Variants in NDUFA12 observed in about 807,000 individuals in gnomAD.
NDUFA12 encodes NADH dehydrogenase [ubiquinone] 1 alpha subcomplex subunit 12.
A neutral mutation model predicts 20.3 loss-of-function variants in NDUFA12; 17 were observed. That is an observed-to-expected ratio of 0.84 (90% CI 0.57 to 1.26). The LOEUF is 1.26. Among genes scored for constraint, NDUFA12 ranks in the 50% most tolerant of loss-of-function variants. The pLI, the probability that NDUFA12 is intolerant of heterozygous loss-of-function variation, is 0.00. For missense variants in NDUFA12, 191 were observed against 183.7 expected (o/e 1.04, Z -0.23); for synonymous variants, 72 against 63.6 (o/e 1.13, Z -0.63).
chr12:94,979,921 T>C (rs1407807449), intron 3 of NDUFA12, among the ~76,000 whole-genome samples: 3 of 152,284 alleles, frequency 2.0e-5, no homozygotes, highest in Admixed American at 6.5e-5. Flanking sequence ...TCTCCTTTGC[T>C]AGAATGTTCA....
At chr12:94,982,564 G>C (rs980921729) in intron 3 of NDUFA12, among the ~76,000 whole-genome samples, 1 of 152,048 alleles carries the variant, frequency 6.6e-6, no homozygotes, top group African/African-American at 2.4e-5. Context: ...CACCACGCCC[G>C]GCCCAGAAGC....
At chr12:94,995,558 C>A (rs1448417256) in intron 2 of NDUFA12, among the ~76,000 whole-genome samples, 1 of 152,158 alleles carries the variant, frequency 6.6e-6, no homozygotes, top group African/African-American at 2.4e-5. Context: ...GAGACGGAGT[C>A]TCGCTCTGTC....
chr12:94,985,918 C>G (rs1453458464), intron 3 of NDUFA12, among the ~76,000 whole-genome samples: 1 of 151,874 alleles, frequency 6.6e-6, no homozygotes, highest in East Asian at 2.0e-4. Flanking sequence ...AACCCCGTCT[C>G]TACTAAAAAT....
intron 3 of NDUFA12, among the ~76,000 whole-genome samples, chr12:94,984,386 G>C (rs1238195251): frequency 6.6e-6 from 1 of 152,070 alleles, no homozygotes; most frequent in East Asian, 1.9e-4. Context: ...ACTTTGGGAG[G>C]CCAAGGTGGG....
chr12:94,992,996 C>T (rs1457619452), intron 3 of NDUFA12, among the ~76,000 whole-genome samples: 1 of 152,172 alleles, frequency 6.6e-6, no homozygotes, highest in African/African-American at 2.4e-5. Context: ...CAGAAGAACA[C>T]CACTGACTGC....
intron 3 of NDUFA12, among the ~76,000 whole-genome samples, chr12:94,985,092 G>A (rs1322682036): frequency 6.6e-6 from 1 of 151,848 alleles, no homozygotes; most frequent in Non-Finnish European, 1.5e-5. Context: ...ATAGGCCAAG[G>A]TGGGAGGATT....
chr12:94,973,022 G>A (rs1053905427), intron 3 of NDUFA12, among the ~76,000 whole-genome samples: 3 of 151,950 alleles, frequency 2.0e-5, no homozygotes, highest in Admixed American at 6.6e-5. Flanking sequence ...ACTGCAGCCC[G>A]GGGGTGGGGG....
Position 95,002,726 on chromosome 12 carries a change from A to T in NDUFA12, c.169+13T>A, listed in dbSNP as rs765119714. ...CCAATCCAATTATTCATACTAAAAAATACTGCACTCACCAAAAAATTGCTT... is the reference window on the plus strand; with the variant it reads ...CCAATCCAATTATTCATACTAAAAATTACTGCACTCACCAAAAAATTGCTT... On this transcript the variant is annotated intron_variant, in intron 2 of 3. Transcript: ENST00000327772. 2.5e-6 allele frequency: 4 copies of T among 1,600,634 alleles called. No homozygotes were observed. In the African/African-American group the frequency reaches 5.4e-5, roughly 21 times the overall value.
chr12:94,980,457 C>T (rs1874200082), intron 3 of NDUFA12, among the ~76,000 whole-genome samples: 2 of 152,028 alleles, frequency 1.3e-5, no homozygotes, highest in Non-Finnish European at 2.9e-5. Flanking sequence ...GAACACATCA[C>T]GCCAAATGAA....
chr12:94,980,580 TTC>T (rs1874203896), intron 3 of NDUFA12, among the ~76,000 whole-genome samples: 1 of 51,710 alleles, frequency 1.9e-5, no homozygotes, highest in African/African-American at 1.1e-4. Flanking sequence ...CAAAATTATT[TTC>T]TGTTAAAAAA....
chr12:94,993,402 A>G (rs577758432), intron 3 of NDUFA12, among the ~76,000 whole-genome samples: 6 of 150,470 alleles, frequency 4.0e-5, no homozygotes, highest in African/African-American at 1.5e-4. Context: ...AGGCGGGTGG[A>G]TCACCTGAGG....
At chr12:95,002,463 A>AGT (rs1488627364) in intron 2 of NDUFA12, among the ~76,000 whole-genome samples, 19 of 149,262 alleles carry the variant, frequency 1.3e-4, no homozygotes, top group East Asian at 1.2e-3. Flanking sequence ...AAAAAAAAAA[A>AGT]AGAACAAAAA....
chr12:94,998,950 C>T lies in NDUFA12; in HGVS notation c.169+3789G>A, dbSNP rs539043279. 1.6e-4 allele frequency among the ~76,000 whole-genome samples: 25 copies of T among 152,204 alleles called. No homozygotes were observed. The South Asian group carries it at 3.9e-3, about 24-fold the overall frequency. Reference sequence around the variant, plus strand: ...TTCAATGTAATTTCCATCAAAATACCATCATCATTCTTCACAGAACTAGAA... The same window carrying T: ...TTCAATGTAATTTCCATCAAAATACTATCATCATTCTTCACAGAACTAGAA... On this transcript the variant is annotated intron_variant, in intron 2 of 3. Transcript: ENST00000327772.
At chr12:94,994,839 G>A (rs905499818) in intron 2 of NDUFA12, among the ~76,000 whole-genome samples, 6 of 152,162 alleles carry the variant, frequency 3.9e-5, no homozygotes, top group Admixed American at 3.9e-4. Flanking sequence ...TAGTTGAGGG[G>A]CCTAACCACT....
chr12:94,972,224 G>T (rs373145252), intron 3 of NDUFA12, among the ~76,000 whole-genome samples: 2 of 152,006 alleles, frequency 1.3e-5, no homozygotes, highest in Admixed American at 1.3e-4. Context: ...CACCATGCCC[G>T]GCCCATTACT....
rs534961587 is a variant in NDUFA12 at position 94,985,664 on chromosome 12, A to G, written c.257+8506T>C. Among the ~76,000 whole-genome samples, 9 of 151,762 alleles carry G rather than the reference A, an allele frequency of 5.9e-5. No individual in the cohort carries two copies. The South Asian group carries it at 1.0e-3, about 18-fold the overall frequency. The stretch of plus-strand genomic sequence containing the variant: ...AAAAAAAAAGCGGTTGGCAGGGACA[A>G]AGTACCCAGACATTTCTCAGAAGAC... On this transcript the variant is annotated intron_variant, in intron 3 of 3. Transcript: ENST00000327772.
intron 3 of NDUFA12, among the ~76,000 whole-genome samples, chr12:94,974,914 T>A (rs969223610): frequency 6.6e-6 from 1 of 152,014 alleles, no homozygotes; most frequent in African/African-American, 2.4e-5. Flanking sequence ...TAAAAAAAAA[T>A]AGTCAGAAAG....
At chr12:94,985,302 G>A (rs1230361018) in intron 3 of NDUFA12, among the ~76,000 whole-genome samples, 1 of 151,814 alleles carries the variant, frequency 6.6e-6, no homozygotes, top group Non-Finnish European at 1.5e-5. Flanking sequence ...TTTTGCCTGG[G>A]CAACATAGCG....
intron 3 of NDUFA12, among the ~76,000 whole-genome samples, chr12:94,977,308 T>G (rs930934150): frequency 6.6e-6 from 1 of 152,028 alleles, no homozygotes; most frequent in Non-Finnish European, 1.5e-5. Context: ...ACCTTCTCTC[T>G]CAAAAACAAA....
Sources: allele counts gnomAD v4.1 joint callset (sites outside exome capture counted in the v4.1 genomes callset), GRCh38; gene constraint gnomAD v4.1.1; transcripts MANE v1.5; gene names NCBI Gene and HGNC (gene_info 2026-07-23, HGNC 2026-07-21).